Variants in AMMECR1 observed in about 807,000 individuals in gnomAD.
The protein encoded by AMMECR1 is nuclear protein AMMECR1.
In AMMECR1, 3 loss-of-function variants were observed where a neutral mutation model predicts 22.5. The ratio of observed to expected loss-of-function variants is 0.13; its 90% CI spans 0.06 to 0.35. The LOEUF is 0.35. AMMECR1 is among the 10% of genes least tolerant of loss of function. The pLI is 1.00. For missense variants in AMMECR1, 235 were observed against 278.7 expected, an observed-to-expected ratio of 0.84 and a Z score of 1.12; for synonymous variants, 130 against 116.7, an observed-to-expected ratio of 1.11 and a Z score of -0.74.
intron 2 of AMMECR1, among the ~76,000 whole-genome samples, chrX:110,342,560 C>G (rs188022809): frequency 4.2e-3 from 468 of 110,712 alleles, no homozygotes; most frequent in Middle Eastern, 9.3e-3. Context: ...TTAGTAGAGA[C>G]GGGGTTTCAC....
At chrX:110,281,204 A>T (rs776022922) in intron 1 of AMMECR1, among the ~76,000 whole-genome samples, 2 of 112,420 alleles carry the variant, frequency 1.8e-5, no homozygotes, top group Admixed American at 1.9e-4. Flanking sequence ...AACAGCAGTT[A>T]TAGTTTAAAA....
intron 2 of AMMECR1, among the ~76,000 whole-genome samples, chrX:110,378,668 C>T (rs1217585120): frequency 1.8e-5 from 2 of 112,069 alleles, no homozygotes; most frequent in Non-Finnish European, 3.8e-5. Context: ...GTTTCTTTCA[C>T]CTGGAATTAA....
intron 2 of AMMECR1, among the ~76,000 whole-genome samples, chrX:110,356,927 C>T (rs2068233036): frequency 9.0e-6 from 1 of 111,551 alleles, no homozygotes; most frequent in South Asian, 3.7e-4. Context: ...TACTACATTA[C>T]AAATTTTGCA....
intron 2 of AMMECR1, among the ~76,000 whole-genome samples, chrX:110,246,446 A>G (rs2067658834): frequency 8.9e-6 from 1 of 112,386 alleles, no homozygotes; most frequent in Non-Finnish European, 1.9e-5. Context: ...CTTCCTTTGC[A>G]TAGGCTGTGG....
In AMMECR1 at chrX:110,336,524, A is replaced by AAAAAC. The variant is rs763817741; in HGVS notation, c.-147-18680_-147-18676dup. Among the ~76,000 whole-genome samples, 91 of 110,248 alleles carry AAAAAC rather than the reference A, an allele frequency of 8.3e-4. 1 individual carries two copies. Among genetic ancestry groups the AAAAAC allele is most frequent in the Non-Finnish European group, 1.0e-3 (54 of 52,825 alleles). The stretch of plus-strand genomic sequence containing the variant: ...CATGGTGAAACCCTGTCTCTACTAA[A>AAAAAC]AAAACAAAACAAAACAAAACAAAAC... On this transcript the variant is annotated intron_variant, in intron 2 of 7. Coordinates refer to the AMMECR1 transcript ENST00000372057.
At chrX:110,286,312 T>G (rs1031392429) in intron 1 of AMMECR1, among the ~76,000 whole-genome samples, 15 of 110,806 alleles carry the variant, frequency 1.4e-4, no homozygotes, top group African/African-American at 4.6e-4. Flanking sequence ...ACAATACCCT[T>G]ATACAGTCTC....
At chrX:110,292,640 G>A (rs927088108) in intron 1 of AMMECR1, among the ~76,000 whole-genome samples, 2 of 112,219 alleles carry the variant, frequency 1.8e-5, no homozygotes, top group African/African-American at 3.2e-5. Flanking sequence ...TGATTCCAAC[G>A]ATGTGACACT....
chrX:110,385,043 G>T (rs991414170), intron 2 of AMMECR1, among the ~76,000 whole-genome samples: 10 of 111,125 alleles, frequency 9.0e-5, no homozygotes, highest in Non-Finnish European at 1.5e-4. Flanking sequence ...AATAACAAGT[G>T]TTGACTATTC....
At chrX:110,412,397 T>A (rs953612473) in intron 2 of AMMECR1, among the ~76,000 whole-genome samples, 3 of 112,311 alleles carry the variant, frequency 2.7e-5, no homozygotes, top group Non-Finnish European at 5.6e-5. Flanking sequence ...TTATAATACA[T>A]CCCAATAATG....
intron 2 of AMMECR1, among the ~76,000 whole-genome samples, chrX:110,238,152 G>T (rs1303918972): frequency 8.9e-6 from 1 of 111,762 alleles, no homozygotes; most frequent in African/African-American, 3.3e-5. Flanking sequence ...CTGAGTTATT[G>T]TTGTCACTAA....
intron 2 of AMMECR1, among the ~76,000 whole-genome samples, chrX:110,393,932 A>G (rs2068511766): frequency 8.9e-6 from 1 of 112,484 alleles, no homozygotes; most frequent in South Asian, 3.7e-4. Flanking sequence ...CGTAAAGTAC[A>G]CAATGACCAT....
chrX:110,278,913 GAAC>G (rs1178594939), intron 1 of AMMECR1, among the ~76,000 whole-genome samples: 5 of 111,860 alleles, frequency 4.5e-5, no homozygotes, highest in African/African-American at 9.7e-5. Flanking sequence ...TCACCAGCAA[GAAC>G]AATACCCCAA....
At chrX:110,381,343 T>A (rs1463785940) in intron 2 of AMMECR1, among the ~76,000 whole-genome samples, 1 of 111,814 alleles carries the variant, frequency 8.9e-6, no homozygotes, top group Non-Finnish European at 1.9e-5. Context: ...TTACTAATCA[T>A]CAGAGAAATG....
intron 1 of AMMECR1, among the ~76,000 whole-genome samples, chrX:110,264,932 AG>A (rs2067760015): frequency 8.9e-6 from 1 of 111,905 alleles, no homozygotes; most frequent in South Asian, 3.7e-4. Context: ...ATAATGAAGC[AG>A]GCACTCAAAC....
At position 110,197,043 on chromosome X, in the gene AMMECR1, A is replaced by G. The variant is rs1042775075; in HGVS notation, c.*1477T>C. On this transcript the variant is annotated 3_prime_UTR_variant, in exon 6 of 6. Coordinates refer to ENST00000262844, the MANE Select transcript of AMMECR1 (RefSeq NM_015365.3). The stretch of plus-strand genomic sequence containing the variant: ...CACACATAACCATAAAATGAAGGTC[A>G]TCTTCCTCCAGAATAATCTGTCATT... The G allele has an allele frequency of 6.2e-5, 7 of 112,281 alleles. No homozygotes were observed. Among genetic ancestry groups the G allele is most frequent in the Non-Finnish European group, 1.1e-4 (6 of 53,194 alleles). The allele number at this position is 112,281 out of a possible 1,213,427, so 9.3% of individuals were successfully genotyped here. A position where few individuals can be genotyped will look rare whatever the true frequency, so the allele number is the denominator to read the frequency against.
intron 2 of AMMECR1, among the ~76,000 whole-genome samples, chrX:110,345,761 C>T (rs921625359): frequency 9.0e-6 from 1 of 111,326 alleles, no homozygotes; most frequent in Non-Finnish European, 1.9e-5. Flanking sequence ...AAGAAAAATA[C>T]AATAGTATTA....
At chrX:110,247,922 A>G (rs1395988674) in intron 2 of AMMECR1, among the ~76,000 whole-genome samples, 1 of 112,405 alleles carries the variant, frequency 8.9e-6, no homozygotes, top group Non-Finnish European at 1.9e-5. Flanking sequence ...CAGGAGCAAA[A>G]TAGAAGATAA....
intron 2 of AMMECR1, among the ~76,000 whole-genome samples, chrX:110,352,239 A>T (rs750774598): frequency 3.6e-4 from 40 of 112,186 alleles, no homozygotes; most frequent in Non-Finnish European, 7.0e-4. Context: ...GAGAAATGAA[A>T]ATACATGTTC....
chrX:110,291,719 C>T (rs1467502438), intron 1 of AMMECR1, among the ~76,000 whole-genome samples: 4 of 111,489 alleles, frequency 3.6e-5, no homozygotes, highest in Non-Finnish European at 7.5e-5. Flanking sequence ...CACTTAAGTT[C>T]AAAGAGATAT....
Sources: gnomAD v4.1 joint callset for allele counts (sites outside exome capture counted in the v4.1 genomes callset) on GRCh38, gnomAD v4.1.1 for gene constraint, MANE v1.5 for transcripts, NCBI Gene and HGNC (gene_info 2026-07-23, HGNC 2026-07-21) for gene names.